Variants in CNTNAP4 observed in about 807,000 individuals in gnomAD.
CNTNAP4 encodes the protein contactin associated protein family member 4.
CNTNAP4 carries 98 observed loss-of-function variants against 148.4 expected under a neutral mutation model. That is an observed-to-expected ratio of 0.66 (90% CI 0.56 to 0.78). The LOEUF (loss-of-function observed/expected upper bound fraction) is 0.78. Among genes scored for constraint, CNTNAP4 ranks in the 30% least tolerant of loss-of-function variants. CNTNAP4 has a pLI of 0.00. For synonymous variants in CNTNAP4, 730 were observed against 565.1 expected (o/e 1.29, Z -4.14); for missense variants, 1,935 against 1,565.6 (o/e 1.24, Z -3.98).
intron 2 of CNTNAP4, among the ~76,000 whole-genome samples, chr16:76,354,858 C>T (rs1276181766): frequency 6.6e-6 from 1 of 152,172 alleles, no homozygotes; most frequent in South Asian, 2.1e-4. Flanking sequence ...TTAACAATGT[C>T]CTCCCTTCTC....
At chr16:76,445,248 A>C (rs925887421) in intron 4 of CNTNAP4, among the ~76,000 whole-genome samples, 1 of 152,146 alleles carries the variant, frequency 6.6e-6, no homozygotes, top group African/African-American at 2.4e-5. Flanking sequence ...CAACTACCTT[A>C]AGTGACTCCA....
intron 10 of CNTNAP4, among the ~76,000 whole-genome samples, chr16:76,471,778 A>G (rs2081386556): frequency 6.6e-6 from 1 of 152,122 alleles, no homozygotes; most frequent in South Asian, 2.1e-4. Context: ...GCCCTTTTGG[A>G]GGCGAGGGCT....
chr16:76,457,515 G>T (rs2080780212), intron 8 of CNTNAP4, among the ~76,000 whole-genome samples: 2 of 152,142 alleles, frequency 1.3e-5, no homozygotes, highest in South Asian at 4.1e-4. Flanking sequence ...GCAGTCTTTT[G>T]TTCCTGATCT....
intron 8 of CNTNAP4, among the ~76,000 whole-genome samples, chr16:76,454,912 C>G (rs879825439): frequency 1.8e-4 from 28 of 152,200 alleles, no homozygotes; most frequent in African/African-American, 6.3e-4. Flanking sequence ...GTTTGAAAAA[C>G]TCAACATTTT....
chr16:76,475,653 A>C (rs1002779355), intron 10 of CNTNAP4, among the ~76,000 whole-genome samples: 1 of 152,228 alleles, frequency 6.6e-6, no homozygotes, highest in Admixed American at 6.5e-5. Flanking sequence ...TATTTCTGCC[A>C]ACATATTGAA....
chr16:76,331,334 C>G (rs997502550), intron 2 of CNTNAP4, among the ~76,000 whole-genome samples: 1 of 151,916 alleles, frequency 6.6e-6, no homozygotes, highest in South Asian at 2.1e-4. Flanking sequence ...ACTGCAGGCG[C>G]CCGCCACCAT....
intron 3 of CNTNAP4, among the ~76,000 whole-genome samples, chr16:76,383,144 A>G (rs967437111): frequency 4.0e-5 from 6 of 151,874 alleles, no homozygotes; most frequent in East Asian, 1.9e-4. Context: ...ACTGCATCTC[A>G]GGGTAACCAA....
At chr16:76,351,688 G>T (rs1441860750) in intron 2 of CNTNAP4, among the ~76,000 whole-genome samples, 4 of 152,116 alleles carry the variant, frequency 2.6e-5, no homozygotes, top group Non-Finnish European at 4.4e-5. Context: ...TTCACCCCAG[G>T]TAAGGAATTG....
Position 76,277,725 on chromosome 16 carries a change from C to T in CNTNAP4, c.63C>T (p.Asn21=), listed in dbSNP as rs1597056643. 2.5e-6 allele frequency: 4 copies of T among 1,601,654 alleles called. No homozygotes were observed. The highest frequency in any genetic ancestry group is 3.4e-6 in the Non-Finnish European group (4 of 1,172,922). The part of the protein sequence containing the change: ...TLLLLSTQNW[N]RVEAGNSYDC... ...TTCTGTTATCTACTCAAAATTGGAACAGAGTCGAAGCTGGGAATTCCTGTA... is the reference window on the plus strand; with the variant it reads ...TTCTGTTATCTACTCAAAATTGGAATAGAGTCGAAGCTGGGAATTCCTGTA... Residue 21 remains asparagine, a synonymous_variant, in exon 1 of 24, where the codon AAC becomes AAT. Transcript: ENST00000611870.
intron 8 of CNTNAP4, among the ~76,000 whole-genome samples, chr16:76,454,103 ATTTC>A (rs2080626855): frequency 7.5e-6 from 1 of 134,170 alleles, no homozygotes; most frequent in African/African-American, 2.8e-5. Flanking sequence ...AAGTCAGCCT[ATTTC>A]TTTCTTTTTT....
chr16:76,471,950 C>G (rs534148151), intron 10 of CNTNAP4, among the ~76,000 whole-genome samples: 39 of 152,248 alleles, frequency 2.6e-4, no homozygotes, highest in South Asian at 1.9e-3. Context: ...TTAATTCCAG[C>G]AAACCTTTAC....
At chr16:76,455,774 C>A (rs1308039761) in intron 8 of CNTNAP4, among the ~76,000 whole-genome samples, 1 of 152,214 alleles carries the variant, frequency 6.6e-6, no homozygotes, top group Non-Finnish European at 1.5e-5. Flanking sequence ...TGCACCTTTG[C>A]TGAACTCCTA....
At chr16:76,545,334 T>C (rs1330261904) in intron 21 of CNTNAP4, among the ~76,000 whole-genome samples, 1 of 152,176 alleles carries the variant, frequency 6.6e-6, no homozygotes, top group Non-Finnish European at 1.5e-5. Flanking sequence ...GTAATCATAA[T>C]ACATGAAAGT....
At chr16:76,485,105 T>G (rs1257241570) in intron 12 of CNTNAP4, among the ~76,000 whole-genome samples, 1 of 152,096 alleles carries the variant, frequency 6.6e-6, no homozygotes, top group African/African-American at 2.4e-5. Context: ...CCGTATTGCT[T>G]TTTCTTTTCT....
chr16:76,500,480 A>G (rs1314615575), intron 15 of CNTNAP4, among the ~76,000 whole-genome samples: 8 of 152,248 alleles, frequency 5.3e-5, no homozygotes, highest in Non-Finnish European at 1.2e-4. Flanking sequence ...GGAAAGCCTC[A>G]GTGCTAAACA....
Position 76,440,177 on chromosome 16 carries a change from T to C in CNTNAP4, c.539-7835T>C, listed in dbSNP as rs559198039. On this transcript the variant is annotated intron_variant, in intron 4 of 23. Coordinates refer to ENST00000611870, the MANE Select transcript of CNTNAP4 (RefSeq NM_033401.5). ...TGATGAAATAGCTATATATTTTTTT[T>C]CTCTGATCTTTGACAGGAACATTCT... is the stretch of plus-strand genomic sequence containing the variant. Among the ~76,000 whole-genome samples, 3 of 152,278 alleles carry C rather than the reference T, an allele frequency of 2.0e-5. No homozygotes were observed. The East Asian group carries it at 5.8e-4, about 29-fold the overall frequency.
intron 1 of CNTNAP4, among the ~76,000 whole-genome samples, chr16:76,306,572 C>T (rs1029031853): frequency 3.3e-5 from 5 of 152,168 alleles, no homozygotes; most frequent in African/African-American, 4.8e-5. Context: ...AGGATTTGAA[C>T]GTGAGATGTC....
chr16:76,394,016 A>G (rs1284555226), intron 3 of CNTNAP4, among the ~76,000 whole-genome samples: 2 of 152,250 alleles, frequency 1.3e-5, no homozygotes, highest in East Asian at 1.9e-4. Flanking sequence ...ATGTGTCTTC[A>G]TGGGGATGAA....
intron 2 of CNTNAP4, among the ~76,000 whole-genome samples, chr16:76,330,246 C>T (rs1315208249): frequency 1.3e-5 from 2 of 152,084 alleles, no homozygotes; most frequent in Non-Finnish European, 2.9e-5. Context: ...TCCCTTGATC[C>T]CTCCTTCTGA....
Sources: gnomAD v4.1 joint callset for allele counts (sites outside exome capture counted in the v4.1 genomes callset) on GRCh38, gnomAD v4.1.1 for gene constraint, MANE v1.5 for transcripts, NCBI Gene and HGNC (gene_info 2026-07-23, HGNC 2026-07-21) for gene names.